The following FIGN variants were observed in gnomAD, a reference collection of about 807,000 sequenced individuals.
FIGN encodes the protein fidgetin, microtubule severing factor.
In FIGN, 11 loss-of-function variants were observed where a neutral mutation model predicts 51.3. The ratio of observed to expected loss-of-function variants is 0.21; its 90% confidence interval spans 0.13 to 0.35. The LOEUF (loss-of-function observed/expected upper bound fraction) is 0.35. Ranked by LOEUF, FIGN falls within the 10% of genes least tolerant of loss-of-function variation. The probability of loss-of-function intolerance (pLI) is 1.00; values close to 1 mark genes in which losing one functional copy is unlikely to be tolerated. For synonymous variants in FIGN, 407 were observed against 363.2 expected (o/e 1.12, Z -1.37); for missense variants, 857 against 943.6 (o/e 0.91, Z 1.20).
rs183716547 is a variant in FIGN at position 163,605,112 on chromosome 2, T to G, written c.*4440A>C. ...ATGCTGCCGACATTCTACATATCACTGAGACAGGGAGGTGAAATTTTCCTG... is the reference window on the plus strand; with the variant it reads ...ATGCTGCCGACATTCTACATATCACGGAGACAGGGAGGTGAAATTTTCCTG... On this transcript the variant is annotated 3_prime_UTR_variant, in exon 3 of 3. Transcript: ENST00000333129. The G allele has an allele frequency of 3.9e-5, 6 of 152,058 alleles. No homozygotes were observed. The highest frequency in any genetic ancestry group is 3.9e-4 in the Admixed American group (6 of 15,234). The allele number at this position is 152,058 out of a possible 1,614,324, so 9.4% of individuals were successfully genotyped here.
At chr2:163,720,140 G>A (rs575500355) in intron 2 of FIGN, among the ~76,000 whole-genome samples, 26 of 152,192 alleles carry the variant, frequency 1.7e-4, no homozygotes, top group Admixed American at 4.6e-4. Flanking sequence ...GCCAAGCCCC[G>A]TTTCCACAAT....
chr2:163,623,266 A>AACTT (rs549867584), intron 2 of FIGN, among the ~76,000 whole-genome samples: 179 of 152,300 alleles, frequency 1.2e-3, no homozygotes, highest in African/African-American at 4.0e-3. Flanking sequence ...TTATTTAACT[A>AACTT]ACTTATGCAC....
chr2:163,734,557 C>CA (rs34286375), intron 2 of FIGN, among the ~76,000 whole-genome samples: 3,670 of 102,844 alleles, frequency 0.036, 234 homozygotes, highest in African/African-American at 0.12. Flanking sequence ...CTCCCTCCTT[C>CA]AAAAAAAAAA....
chr2:163,684,046 T>A (rs1684107224), intron 2 of FIGN, among the ~76,000 whole-genome samples: 1 of 152,146 alleles, frequency 6.6e-6, no homozygotes, highest in Admixed American at 6.6e-5. Flanking sequence ...AATGATAAAA[T>A]CTCCACTAAT....
At chr2:163,720,389 A>T (rs548322594) in intron 2 of FIGN, among the ~76,000 whole-genome samples, 33 of 152,326 alleles carry the variant, frequency 2.2e-4, no homozygotes, top group South Asian at 6.2e-4. Context: ...TTGTATCATG[A>T]TAGCAAATTT....
intron 2 of FIGN, among the ~76,000 whole-genome samples, chr2:163,731,096 T>C (rs1049904722): frequency 1.3e-5 from 2 of 152,120 alleles, no homozygotes; most frequent in African/African-American, 4.8e-5. Flanking sequence ...AGGCAATCAT[T>C]CAAGGCATCC....
In FIGN at chr2:163,607,641, T is replaced by C. The variant is rs927352276; in HGVS notation, c.*1911A>G. 2 of 152,534 alleles carry C rather than the reference T, an allele frequency of 1.3e-5. No individual in the cohort carries two copies. Among genetic ancestry groups the C allele is most frequent in the South Asian group, 4.1e-4 (2 of 4,828 alleles). The allele number at this position is 152,534 out of a possible 1,614,324, so 9.4% of individuals were successfully genotyped here. On this transcript the variant is annotated 3_prime_UTR_variant, in exon 3 of 3. Coordinates refer to ENST00000333129, the MANE Select transcript of FIGN (RefSeq NM_018086.4). ...GGGCTTCTCATTGCATTTATTTAAATTTTTTTAAAAATGTACATCACTTAT... is the reference window on the plus strand; with the variant it reads ...GGGCTTCTCATTGCATTTATTTAAACTTTTTTAAAAATGTACATCACTTAT...
chr2:163,731,863 A>G (rs1362214179), intron 2 of FIGN, among the ~76,000 whole-genome samples: 3 of 152,140 alleles, frequency 2.0e-5, no homozygotes, highest in African/African-American at 7.2e-5. Flanking sequence ...AGACTTTATT[A>G]CCCTGCTATG....
At chr2:163,687,637 A>G (rs959498741) in intron 2 of FIGN, among the ~76,000 whole-genome samples, 14 of 152,216 alleles carry the variant, frequency 9.2e-5, no homozygotes, top group Admixed American at 9.2e-4. Flanking sequence ...TTTACATTTT[A>G]TTCTACTTGC....
At chr2:163,642,969 A>G (rs567127814) in intron 2 of FIGN, among the ~76,000 whole-genome samples, 95 of 152,334 alleles carry the variant, frequency 6.2e-4, no homozygotes, top group African/African-American at 2.2e-3. Flanking sequence ...CTTCAAATTA[A>G]TGTGTAGATT....
At chr2:163,676,482 T>TAA (rs869233626) in intron 2 of FIGN, among the ~76,000 whole-genome samples, 19 of 57,304 alleles carry the variant, frequency 3.3e-4, no homozygotes, top group African/African-American at 8.9e-4. Context: ...TATATATATA[T>TAA]AACTAGAGTC....
intron 2 of FIGN, among the ~76,000 whole-genome samples, chr2:163,618,127 G>A (rs191731868): frequency 1.3e-5 from 2 of 152,020 alleles, no homozygotes; most frequent in South Asian, 2.1e-4. Flanking sequence ...AATCAAAAAG[G>A]TGTCAACATT....
At chr2:163,732,802 T>TTAGAGGATC (rs1435076001) in intron 2 of FIGN, among the ~76,000 whole-genome samples, 1 of 152,216 alleles carries the variant, frequency 6.6e-6, no homozygotes, top group African/African-American at 2.4e-5. Context: ...GACCTAACTT[T>TTAGAGGATC]TAGAGGATCA....
At chr2:163,691,006 G>A (rs1684231836) in intron 2 of FIGN, among the ~76,000 whole-genome samples, 1 of 152,100 alleles carries the variant, frequency 6.6e-6, no homozygotes, top group African/African-American at 2.4e-5. Context: ...TCAATATGCT[G>A]TTGGGTAAAT....
chr2:163,675,776 A>G (rs563218894), intron 2 of FIGN, among the ~76,000 whole-genome samples: 2 of 135,242 alleles, frequency 1.5e-5, no homozygotes, highest in Non-Finnish European at 3.0e-5. Context: ...GAAACACTGC[A>G]CTTTTATGTG....
At chr2:163,659,370 T>C (rs938826739) in intron 2 of FIGN, among the ~76,000 whole-genome samples, 2 of 151,804 alleles carry the variant, frequency 1.3e-5, no homozygotes, top group African/African-American at 4.9e-5. Flanking sequence ...CCTAAACTAC[T>C]AGAACAATCT....
At chr2:163,620,605 G>A (rs1682951855) in intron 2 of FIGN, among the ~76,000 whole-genome samples, 1 of 152,038 alleles carries the variant, frequency 6.6e-6, no homozygotes, top group Admixed American at 6.6e-5. Context: ...TTTTCTGAGT[G>A]TTTTGAATCT....
chr2:163,659,634 G>A (rs1683619345), intron 2 of FIGN, among the ~76,000 whole-genome samples: 1 of 152,220 alleles, frequency 6.6e-6, no homozygotes, highest in African/African-American at 2.4e-5. Flanking sequence ...GTCAATTTAT[G>A]AAGGGATAGA....
chr2:163,670,175 TC>T (rs1487675952), intron 2 of FIGN, among the ~76,000 whole-genome samples: 1 of 152,184 alleles, frequency 6.6e-6, no homozygotes, highest in African/African-American at 2.4e-5. Context: ...ATAAATGTGA[TC>T]CTTTTTAAAT....
Sources: gnomAD v4.1 joint callset for allele counts (sites outside exome capture counted in the v4.1 genomes callset) on GRCh38, gnomAD v4.1.1 for gene constraint, MANE v1.5 for transcripts, NCBI Gene and HGNC (gene_info 2026-07-23, HGNC 2026-07-21) for gene names.